PPP2R5D: variants seen among roughly 807,000 people sequenced by gnomAD.
PPP2R5D encodes serine/threonine-protein phosphatase 2A 56 kDa regulatory subunit delta isoform.
PPP2R5D carries 12 observed loss-of-function variants against 79.1 expected under a neutral mutation model. The observed-to-expected ratio is 0.15, with a 90% CI of 0.10 to 0.25. The LOEUF is 0.25. PPP2R5D is among the 10% of genes least tolerant of loss of function. PPP2R5D has a pLI of 1.00. For synonymous variants in PPP2R5D, 277 were observed against 286.6 expected, an observed-to-expected ratio of 0.97 and a Z score of 0.34; for missense variants, 419 against 760.2, an observed-to-expected ratio of 0.55 and a Z score of 5.28.
At chr6:42,997,336 G>C (rs2150261700) in intron 2 of PPP2R5D, among the ~76,000 whole-genome samples, 1 of 151,792 alleles carries the variant, frequency 6.6e-6, no homozygotes, top group East Asian at 1.9e-4. Context: ...GGTATTACAG[G>C]CATGCACCAC....
Position 43,006,552 on chromosome 6 carries a change from C to T in PPP2R5D, c.195C>T (p.Pro65=). ...SNKRPSNSTP[P]PTQLSKIKYS... is the part of the protein sequence containing the mutation. ...AGCGTCCCAGCAATAGCACGCCGCC[C>T]CCCACGCAGCTCAGCAAAATCAAGT... The change falls in exon 3 of 16, where the codon CCC becomes CCT. Residue 65 remains proline, a synonymous_variant. Coordinates refer to ENST00000485511, the MANE Select transcript of PPP2R5D (RefSeq NM_006245.4). The surrounding 1 kb of genome is among the most constrained non-coding windows in gnomAD (Gnocchi z 4.7). 1 of 1,614,156 alleles carries T rather than the reference C, an allele frequency of 6.2e-7. No homozygotes were observed. Among genetic ancestry groups the T allele is most frequent in the Non-Finnish European group, 8.5e-7 (1 of 1,180,044 alleles).
rs1762204597 is a variant in PPP2R5D at position 43,008,547 on chromosome 6, C to T, written c.1026+72C>T. 6.6e-7 allele frequency: 1 copy of T among 1,507,064 alleles called. No homozygotes were observed. 93.4% of individuals were successfully genotyped at this position (1,507,064 alleles called of 1,614,324 possible). On this transcript the variant is annotated intron_variant, in intron 9 of 15. Transcript: ENST00000485511. This position sits in a 1 kb window ranked among gnomAD's most constrained non-coding sequence, Gnocchi z 4.2. ...AAGAGCCGGCAGGAAAGTGTTCCAG[C>T]TGGGATAGGGGAAGCATAGGGAGCA...
chr6:43,011,029 A>C, intron 15 of PPP2R5D, 32 bp downstream of exon 15: 1 of 1,609,536 alleles, frequency 6.2e-7, no homozygotes, highest in South Asian at 1.1e-5. Flanking sequence ...ATGGAGCAGA[A>C]ATAATAGCTC....
chr6:42,988,173 C>G (rs1314546042), intron 1 of PPP2R5D, among the ~76,000 whole-genome samples: 1 of 152,220 alleles, frequency 6.6e-6, no homozygotes, highest in Non-Finnish European at 1.5e-5. Flanking sequence ...TCCCTGAAAT[C>G]CTTTTGCCCC....
At chr6:42,998,444 A>G (rs1771946513) in intron 2 of PPP2R5D, among the ~76,000 whole-genome samples, 1 of 151,980 alleles carries the variant, frequency 6.6e-6, no homozygotes, top group African/African-American at 2.4e-5. Context: ...AGGCACGTTT[A>G]GTTGGAATTT....
intron 2 of PPP2R5D, among the ~76,000 whole-genome samples, chr6:42,995,036 C>CA (rs940646523): frequency 1.3e-5 from 2 of 151,892 alleles, no homozygotes; most frequent in Non-Finnish European, 2.9e-5. Context: ...AATCCAAACT[C>CA]ACTAGCATGG....
chr6:43,001,363 T>C (rs1242191777), intron 2 of PPP2R5D, among the ~76,000 whole-genome samples: 1 of 152,048 alleles, frequency 6.6e-6, no homozygotes, highest in East Asian at 1.9e-4. Flanking sequence ...GGTCTTGAAC[T>C]CCCAACCTCA....
At position 42,984,602 on chromosome 6, in the gene PPP2R5D, G is replaced by A. The variant is rs899902870; in HGVS notation, c.-76G>A. ...GCAGGCGGTGGCGAAGAGACGCCGA[G>A]CGGGCCGAGTGCGGCCGAGCAAAGC... is the stretch of plus-strand genomic sequence containing the variant. On this transcript the variant is annotated 5_prime_UTR_variant, in exon 1 of 16. Coordinates refer to ENST00000485511, the MANE Select transcript of PPP2R5D (RefSeq NM_006245.4). 2.0e-5 allele frequency: 30 copies of A among 1,515,354 alleles called. No individual in the cohort carries two copies. Among genetic ancestry groups the A allele is most frequent in the Non-Finnish European group, 2.5e-5 (28 of 1,132,830 alleles). 93.9% of individuals were successfully genotyped at this position (1,515,354 alleles called of 1,614,324 possible).
intron 2 of PPP2R5D, among the ~76,000 whole-genome samples, chr6:42,994,026 A>G (rs1771458730): frequency 6.6e-6 from 1 of 152,116 alleles, no homozygotes; most frequent in African/African-American, 2.4e-5. Context: ...AGAAATGTTA[A>G]CTGGGCACAG....
At chr6:42,999,421 A>G (rs1443748531) in intron 2 of PPP2R5D, among the ~76,000 whole-genome samples, 1 of 152,170 alleles carries the variant, frequency 6.6e-6, no homozygotes, top group Non-Finnish European at 1.5e-5. Flanking sequence ...CTTATAAACC[A>G]GGGCAGCTCA....
intron 2 of PPP2R5D, among the ~76,000 whole-genome samples, chr6:42,992,081 A>T (rs1771300846): frequency 1.3e-5 from 2 of 151,728 alleles, no homozygotes; most frequent in Admixed American, 6.6e-5. Context: ...TTCTTTTGAG[A>T]TGGAATCTTG....
rs183289628 is a variant in PPP2R5D at position 43,006,767 on chromosome 6, G to C, written c.322+88G>C. 8.2e-4 allele frequency: 1,292 copies of C among 1,579,032 alleles called. 13 individuals are homozygous for C. In the Admixed American group the frequency reaches 0.02, roughly 25 times the overall value. On this transcript the variant is annotated intron_variant, in intron 3 of 15. Coordinates refer to ENST00000485511, the MANE Select transcript of PPP2R5D (RefSeq NM_006245.4). This position sits in a 1 kb window ranked among gnomAD's most constrained non-coding sequence, Gnocchi z 4.7. ...AATGGAAGTTTTGGGGTATTTTGCGGGGAAGGGAGTTCCAGAGAATGCGGG... is the reference window on the plus strand; with the variant it reads ...AATGGAAGTTTTGGGGTATTTTGCGCGGAAGGGAGTTCCAGAGAATGCGGG...
chr6:43,008,683 A>T lies in PPP2R5D; in HGVS notation c.1027-10A>T. 6.2e-7 allele frequency: 1 copy of T among 1,613,524 alleles called. No homozygotes were observed. The highest frequency in any genetic ancestry group is 8.5e-7 in the Non-Finnish European group (1 of 1,179,730). On this transcript the variant is annotated splice_polypyrimidine_tract_variant and intron_variant, in intron 9 of 15. Coordinates refer to ENST00000485511, the MANE Select transcript of PPP2R5D (RefSeq NM_006245.4). This position sits in a 1 kb window ranked among gnomAD's most constrained non-coding sequence, Gnocchi z 4.2. ...ACACCTCACCTCCCTTCTACCTCAC[A>T]CCTTTGCAGCTGGCATACTGTGTGG...
chr6:42,990,927 G>T (rs1486008655), intron 2 of PPP2R5D, among the ~76,000 whole-genome samples: 1 of 152,028 alleles, frequency 6.6e-6, no homozygotes, highest in Non-Finnish European at 1.5e-5. Flanking sequence ...GGCCAGGCTG[G>T]ACTTGAACTC....
intron 2 of PPP2R5D, among the ~76,000 whole-genome samples, chr6:42,993,078 C>T (rs1771382417): frequency 6.6e-6 from 1 of 152,100 alleles, no homozygotes; most frequent in African/African-American, 2.4e-5. Context: ...GGGTGGATCA[C>T]CTGAGGTCAG....
chr6:42,991,171 G>C (rs1771239841), intron 2 of PPP2R5D, among the ~76,000 whole-genome samples: 1 of 152,090 alleles, frequency 6.6e-6, no homozygotes. Context: ...TTGTGCAGTT[G>C]GTTCATAGTA....
At chr6:42,995,309 T>C (rs1449860230) in intron 2 of PPP2R5D, among the ~76,000 whole-genome samples, 1 of 151,624 alleles carries the variant, frequency 6.6e-6, no homozygotes, top group Non-Finnish European at 1.5e-5. Flanking sequence ...GTTTTGTATT[T>C]TTTGTAGAGA....
rs374855545 is a variant in PPP2R5D at position 43,011,185 on chromosome 6, C to T, written c.1708C>T (p.Arg570Trp). The change falls in exon 16 of 16, where the codon CGG becomes TGG. Residue 570 changes from arginine (R) to tryptophan (W), a missense_variant. Coordinates refer to ENST00000485511, the MANE Select transcript of PPP2R5D (RefSeq NM_006245.4). ...KDIKKEKVLL[R>W]RKSELPQDVY... ...CATCAAGAAGGAGAAAGTGCTGCTGCGGAGGAAGTCGGAGCTGCCCCAGGA... is the reference window on the plus strand; with the variant it reads ...CATCAAGAAGGAGAAAGTGCTGCTGTGGAGGAAGTCGGAGCTGCCCCAGGA... The T allele has an allele frequency of 8.7e-6, 14 of 1,613,964 alleles. No homozygotes were observed. Among genetic ancestry groups the T allele is most frequent in the African/African-American group, 2.7e-5 (2 of 74,876 alleles).
intron 2 of PPP2R5D, among the ~76,000 whole-genome samples, chr6:42,994,433 C>A (rs1771485813): frequency 6.6e-6 from 1 of 152,166 alleles, no homozygotes; most frequent in Non-Finnish European, 1.5e-5. Context: ...AGAAGTGAAT[C>A]CTAGAATGGA....
Sources: allele counts gnomAD v4.1 joint callset (sites outside exome capture counted in the v4.1 genomes callset), GRCh38; gene constraint gnomAD v4.1.1; non-coding constraint Gnocchi (gnomAD v3.1); transcripts MANE v1.5; gene names NCBI Gene and HGNC (gene_info 2026-07-23, HGNC 2026-07-21).